Variants in SNTG2 observed in about 807,000 individuals in gnomAD.
SNTG2 encodes syntrophin gamma 2.
A neutral mutation model predicts 70.9 loss-of-function variants in SNTG2; 74 were observed. That is an observed-to-expected ratio of 1.04 (90% CI 0.86 to 1.27). The LOEUF (loss-of-function observed/expected upper bound fraction) is 1.27. Among genes scored for constraint, SNTG2 ranks in the 50% most tolerant of loss-of-function variants. SNTG2 has a pLI of 0.00. For missense variants in SNTG2, 717 were observed against 690.7 expected, an observed-to-expected ratio of 1.04 and a Z score of -0.43; for synonymous variants, 278 against 273.8, an observed-to-expected ratio of 1.02 and a Z score of -0.15.
chr2:1,018,317 C>T (rs114972911), intron 1 of SNTG2, among the ~76,000 whole-genome samples: 1,534 of 152,252 alleles, frequency 0.01, 24 homozygotes, highest in African/African-American at 0.035. Flanking sequence ...GAAGGCACGT[C>T]GCTGGTGGTC....
At chr2:1,278,684 G>A (rs1679372239) in intron 14 of SNTG2, among the ~76,000 whole-genome samples, 1 of 152,182 alleles carries the variant, frequency 6.6e-6, no homozygotes. Context: ...TCTTTTGTCA[G>A]AACGAAGAGC....
chr2:962,086 T>C (rs1660366814), intron 1 of SNTG2, among the ~76,000 whole-genome samples: 1 of 152,200 alleles, frequency 6.6e-6, no homozygotes, highest in Non-Finnish European at 1.5e-5. Context: ...AAGATACATT[T>C]CTTATTTTAG....
At chr2:1,122,354 C>T (rs1033642679) in intron 4 of SNTG2, among the ~76,000 whole-genome samples, 2 of 152,084 alleles carry the variant, frequency 1.3e-5, no homozygotes, top group African/African-American at 4.8e-5. Context: ...CAGAAACATT[C>T]TCATAATGAC....
intron 1 of SNTG2, among the ~76,000 whole-genome samples, chr2:1,038,316 C>T (rs565428668): frequency 6.6e-6 from 1 of 152,290 alleles, no homozygotes; most frequent in Admixed American, 6.5e-5. Context: ...ACCACGTTCT[C>T]ATAGAATGAA....
intron 1 of SNTG2, among the ~76,000 whole-genome samples, chr2:969,454 G>A (rs1286525237): frequency 6.6e-6 from 1 of 152,092 alleles, no homozygotes; most frequent in Non-Finnish European, 1.5e-5. Context: ...AATTACTTTG[G>A]ACAGTACATT....
chr2:1,353,645 C>T lies in SNTG2; in HGVS notation c.1489-13698C>T, dbSNP rs974937149. ...GCTGTGGCCCAGTGGAAACGGTTCT[C>T]TTCAATGCTGATTGACTTCACCTTT... is the stretch of plus-strand genomic sequence containing the variant. On this transcript the variant is annotated intron_variant, in intron 16 of 16. Transcript: ENST00000308624. This position sits in a 1 kb window ranked among gnomAD's most constrained non-coding sequence, Gnocchi z 4.2. 1.3e-5 allele frequency: 2 copies of T among 152,188 alleles called. No homozygotes were observed. The highest frequency in any genetic ancestry group is 4.8e-5 in the African/African-American group (2 of 41,442). 9.4% of individuals were successfully genotyped at this position (152,188 alleles called of 1,614,324 possible).
chr2:1,097,911 C>G lies in SNTG2; in HGVS notation c.211-285C>G, dbSNP rs1665500332. Among the ~76,000 whole-genome samples the G allele has an allele frequency of 6.6e-6, 1 of 151,714 alleles. No homozygotes were observed. ...CTCGTTTCTTCATGGAGCTCCGTTC[C>G]TCACAAGCAGAATGCAGACGGGATG... On this transcript the variant is annotated intron_variant, in intron 2 of 16. Coordinates refer to ENST00000308624, the MANE Select transcript of SNTG2 (RefSeq NM_018968.4). This position sits in a 1 kb window ranked among gnomAD's most constrained non-coding sequence, Gnocchi z 4.1.
At chr2:1,251,675 C>T (rs1210023719) in intron 12 of SNTG2, among the ~76,000 whole-genome samples, 1 of 149,610 alleles carries the variant, frequency 6.7e-6, no homozygotes, top group Non-Finnish European at 1.5e-5. Flanking sequence ...ACACACCACA[C>T]ACACATCACA....
At chr2:1,243,962 G>C (rs1677222106) in intron 11 of SNTG2, among the ~76,000 whole-genome samples, 2 of 152,124 alleles carry the variant, frequency 1.3e-5, no homozygotes, top group Admixed American at 6.5e-5. Context: ...GGAGGCGGAG[G>C]TTGCAGTGAG....
chr2:1,192,890 A>G (rs1672687049), intron 8 of SNTG2, among the ~76,000 whole-genome samples: 1 of 152,182 alleles, frequency 6.6e-6, no homozygotes, highest in Admixed American at 6.5e-5. Context: ...TTTCCACACA[A>G]TTTGTCCTGT....
chr2:1,039,746 A>T (rs188900670), intron 1 of SNTG2, among the ~76,000 whole-genome samples: 2 of 152,306 alleles, frequency 1.3e-5, no homozygotes, highest in East Asian at 3.9e-4. Flanking sequence ...GCTGCTCCTA[A>T]TAACACCACT....
rs920695215 is a variant in SNTG2 at position 1,229,402 on chromosome 2, G to C, written c.720-8486G>C. On this transcript the variant is annotated intron_variant, in intron 9 of 16. Coordinates refer to ENST00000308624, the MANE Select transcript of SNTG2 (RefSeq NM_018968.4). ...TGGTGCATTCACAAACCCTGAGCTA[G>C]ATACAGGGTGCTGATTGGCGTGTTT... is the stretch of plus-strand genomic sequence containing the variant. Among the ~76,000 whole-genome samples the C allele has an allele frequency of 2.6e-5, 4 of 152,340 alleles. No homozygotes were observed. In the East Asian group the frequency reaches 5.8e-4, roughly 22 times the overall value.
chr2:1,301,083 C>T (rs943719172), intron 14 of SNTG2, among the ~76,000 whole-genome samples: 5 of 151,934 alleles, frequency 3.3e-5, no homozygotes, highest in Non-Finnish European at 5.9e-5. Flanking sequence ...TTAGACCTGC[C>T]GAGCTCTCAC....
intron 1 of SNTG2, among the ~76,000 whole-genome samples, chr2:960,238 T>C (rs73908623): frequency 0.04 from 6,027 of 152,174 alleles, 398 homozygotes; most frequent in African/African-American, 0.14. Context: ...AGGGTGACAG[T>C]GTTGCTTAGG....
intron 6 of SNTG2, among the ~76,000 whole-genome samples, chr2:1,159,042 A>G (rs1255952415): frequency 3.3e-5 from 5 of 151,968 alleles, no homozygotes; most frequent in African/African-American, 1.2e-4. Flanking sequence ...ATGTGTGTGC[A>G]TGTATGTGTC....
chr2:1,305,723 G>A (rs1680641078), intron 14 of SNTG2, among the ~76,000 whole-genome samples: 1 of 152,204 alleles, frequency 6.6e-6, no homozygotes, highest in African/African-American at 2.4e-5. Context: ...GATTAATTCT[G>A]AAAATGAGAT....
chr2:1,020,761 A>G (rs1660121321), intron 1 of SNTG2, among the ~76,000 whole-genome samples: 1 of 152,178 alleles, frequency 6.6e-6, no homozygotes, highest in Admixed American at 6.5e-5. Flanking sequence ...AGGAAGTCCC[A>G]TTATTCATGA....
At chr2:1,365,893 A>T (rs1661452588) in intron 16 of SNTG2, among the ~76,000 whole-genome samples, 1 of 152,094 alleles carries the variant, frequency 6.6e-6, no homozygotes. Flanking sequence ...GCTGAGATGG[A>T]TGTTATTGGG....
intron 1 of SNTG2, among the ~76,000 whole-genome samples, chr2:1,046,130 C>T (rs1661721152): frequency 6.6e-6 from 1 of 151,992 alleles, no homozygotes; most frequent in Admixed American, 6.6e-5. Context: ...TAATGATCTT[C>T]TTAGAACGTT....
Sources: gnomAD v4.1 joint callset for allele counts (sites outside exome capture counted in the v4.1 genomes callset) on GRCh38, gnomAD v4.1.1 for gene constraint, Gnocchi (gnomAD v3.1) non-coding constraint, MANE v1.5 for transcripts, NCBI Gene and HGNC (gene_info 2026-07-23, HGNC 2026-07-21) for gene names.